The following ZFYVE16 variants were observed in gnomAD, a reference collection of about 807,000 sequenced individuals.
ZFYVE16 encodes the protein zinc finger FYVE domain-containing protein 16.
ZFYVE16 carries 89 observed loss-of-function variants against 138.1 expected under a neutral mutation model. The ratio of observed to expected loss-of-function variants is 0.64; its 90% CI spans 0.54 to 0.77. The LOEUF (loss-of-function observed/expected upper bound fraction) is 0.77, where lower values mean the gene tolerates loss of function less well. Ranked by LOEUF, ZFYVE16 falls within the 30% of genes least tolerant of loss-of-function variation. The pLI is 0.00. For missense variants in ZFYVE16, 1,793 were observed against 1,786.7 expected, an observed-to-expected ratio of 1.00 and a Z score of -0.06; for synonymous variants, 596 against 618.3, an observed-to-expected ratio of 0.96 and a Z score of 0.53.
chr5:80,460,037 T>C (rs983971071), intron 15 of ZFYVE16, among the ~76,000 whole-genome samples: 1 of 152,170 alleles, frequency 6.6e-6, no homozygotes, highest in African/African-American at 2.4e-5. Context: ...GGCTGATAGA[T>C]TAGTAAATGT....
chr5:80,459,287 C>G (rs1752856441), intron 14 of ZFYVE16, 127 bp from the exon 15 acceptor site: 2 of 601,674 alleles, frequency 3.3e-6, no homozygotes, highest in South Asian at 3.1e-5. Flanking sequence ...AATTAGTTTT[C>G]TAGTTTAAGT....
At chr5:80,456,665 T>C (rs1488436314) in intron 13 of ZFYVE16, 100 bp downstream of exon 13, 2 of 985,244 alleles carry the variant, frequency 2.0e-6, no homozygotes, top group East Asian at 2.6e-5. Context: ...GACTATCTAA[T>C]GTATTATGGC....
chr5:80,427,679 T>C (rs1554039791), intron 2 of ZFYVE16, 134 bp downstream of exon 2: 1 of 148,230 alleles, frequency 6.7e-6, no homozygotes, highest in Non-Finnish European at 1.5e-5. Flanking sequence ...TTTTGTAGTA[T>C]AAGTGTCTAA....
At chr5:80,460,554 A>C (rs1752995288) in intron 15 of ZFYVE16, among the ~76,000 whole-genome samples, 2 of 152,148 alleles carry the variant, frequency 1.3e-5, no homozygotes, top group African/African-American at 4.8e-5. Context: ...TAAGTCCCTA[A>C]TTTATCTGGA....
chr5:80,419,593 G>A (rs1404386155), intron 1 of ZFYVE16, among the ~76,000 whole-genome samples: 1 of 151,738 alleles, frequency 6.6e-6, no homozygotes, highest in Non-Finnish European at 1.5e-5. Context: ...TGGCCAGGCT[G>A]GTCTCGAACT....
At chr5:80,434,398 A>G (rs1749569632) in intron 3 of ZFYVE16, among the ~76,000 whole-genome samples, 181 bp downstream of exon 3, 1 of 152,256 alleles carries the variant, frequency 6.6e-6, no homozygotes, top group African/African-American at 2.4e-5. Context: ...TGGGACCCAT[A>G]GCCAGAAACA....
At chr5:80,461,185 C>T (rs1753068242) in intron 15 of ZFYVE16, among the ~76,000 whole-genome samples, 1 of 152,104 alleles carries the variant, frequency 6.6e-6, no homozygotes, top group African/African-American at 2.4e-5. Context: ...TTCAGATGCT[C>T]AGCTGCTAAG....
rs771428323 is a variant in ZFYVE16, at chr5:80,437,052, A to G, written c.367A>G (p.Ser123Gly). The change falls in exon 4 of 19, where the codon AGT (serine) becomes GGT (glycine). Residue 123 changes from serine (S) to glycine (G), a missense_variant. Coordinates refer to ENST00000505560, the MANE Select transcript of ZFYVE16 (RefSeq NM_001284236.3). The stretch of plus-strand genomic sequence containing the variant: ...CCAGCCGTTATATATGGGACGATGT[A>G]GTAAACCTATCTGTGATCTGATAAG... ...EIQPLYMGRC[S>G]KPICDLISDM... The G allele has an allele frequency of 1.2e-6, 2 of 1,614,084 alleles. No individual in the cohort carries two copies. Among genetic ancestry groups the G allele is most frequent in the African/African-American group, 2.7e-5 (2 of 74,938 alleles).
chr5:80,423,310 G>A (rs1288053650), intron 1 of ZFYVE16, among the ~76,000 whole-genome samples: 1 of 152,112 alleles, frequency 6.6e-6, no homozygotes, highest in Non-Finnish European at 1.5e-5. Context: ...TTTGTGGGCA[G>A]AGTTGTTAAT....
chr5:80,471,480 C>T (rs900118917), intron 15 of ZFYVE16, among the ~76,000 whole-genome samples: 15 of 152,002 alleles, frequency 9.9e-5, no homozygotes, highest in African/African-American at 3.6e-4. Context: ...CCCATGTGAC[C>T]ATCTCACCTC....
Position 80,440,986 on chromosome 5 carries a change from C to G in ZFYVE16, c.2419+954C>G, listed in dbSNP as rs369394089. 2.5e-5 allele frequency: 25 copies of G among 985,362 alleles called. 1 individual carries two copies. In the African/African-American group the frequency reaches 4.0e-4, roughly 16 times the overall value. The allele number at this position is 985,362 out of a possible 1,614,324, so 61.0% of individuals were successfully genotyped here. A position where few individuals can be genotyped will look rare whatever the true frequency, so the allele number is the denominator to read the frequency against. On this transcript the variant is annotated intron_variant, in intron 5 of 18. Transcript: ENST00000505560. ...CTGCTTTTCTCCCTGCTGTTGACCT[C>G]TGCTCTGGAAGATAACAAAGCGTAA... is the stretch of plus-strand genomic sequence containing the variant.
rs1310157891 is a variant in ZFYVE16, at chr5:80,474,453, G to A, written c.4294-210G>A. Among the ~76,000 whole-genome samples the A allele has an allele frequency of 1.3e-5, 2 of 152,008 alleles. 1 individual carries two copies. Among genetic ancestry groups the A allele is most frequent in the Non-Finnish European group, 2.9e-5 (2 of 67,988 alleles). Reference sequence around the variant, plus strand: ...TTTCCTTGCTACAAATTAACCTTAGGCAAAAATTGCTGAGACATTTCCATA... The same window carrying A: ...TTTCCTTGCTACAAATTAACCTTAGACAAAAATTGCTGAGACATTTCCATA... On this transcript the variant is annotated intron_variant, in intron 17 of 18. Transcript: ENST00000505560.
chr5:80,428,172 T>G (rs1281868924), intron 2 of ZFYVE16, among the ~76,000 whole-genome samples: 1 of 152,146 alleles, frequency 6.6e-6, no homozygotes, highest in Non-Finnish European at 1.5e-5. Context: ...AGTGGGTCCC[T>G]GACCCCCGAG....
At chr5:80,425,622 A>AC (rs1747877205) in intron 1 of ZFYVE16, among the ~76,000 whole-genome samples, 1 of 152,252 alleles carries the variant, frequency 6.6e-6, no homozygotes. Context: ...ATGTTGCTGT[A>AC]CAGTGTTTCA....
In ZFYVE16 at chr5:80,473,008, A is replaced by G. The variant is rs901116238; in HGVS notation, c.4187+85A>G. The G allele has an allele frequency of 2.5e-6, 3 of 1,201,902 alleles. No homozygotes were observed. In the African/African-American group the frequency reaches 4.6e-5, roughly 18 times the overall value. 74.5% of individuals were successfully genotyped at this position (1,201,902 alleles called of 1,614,324 possible). On this transcript the variant is annotated intron_variant, in intron 16 of 18. Coordinates refer to ENST00000505560, the MANE Select transcript of ZFYVE16 (RefSeq NM_001284236.3). Reference sequence around the variant, plus strand: ...TCCTATTAATAAAATTAAATATTTTATGAACGAATATATACTTATACCATC... The same window carrying G: ...TCCTATTAATAAAATTAAATATTTTGTGAACGAATATATACTTATACCATC...
chr5:80,459,525 T>G, intron 15 of ZFYVE16, 31 bp downstream of exon 15: 1 of 1,569,276 alleles, frequency 6.4e-7, no homozygotes, highest in Non-Finnish European at 8.7e-7. Context: ...GGTGTTTTAA[T>G]GTAGAGTTAT....
chr5:80,450,292 A>G (rs1751846090), intron 9 of ZFYVE16, 139 bp from the exon 10 acceptor site: 3 of 755,102 alleles, frequency 4.0e-6, no homozygotes, highest in Non-Finnish European at 6.4e-6. Flanking sequence ...ATCTTATACA[A>G]TTCAATTTAA....
rs144831626 is a variant in ZFYVE16 at position 80,416,240 on chromosome 5, T to C, written c.-94+8087T>C. On this transcript the variant is annotated intron_variant, in intron 1 of 18. Transcript: ENST00000505560. ...AATCATTTACTTACGTCAGTATGAA[T>C]ACATAGATTTTTTTTTTTTTTTTTT... 6.2e-3 allele frequency among the ~76,000 whole-genome samples: 884 copies of C among 142,652 alleles called. 11 individuals carry two copies. Among genetic ancestry groups the C allele is most frequent in the African/African-American group, 0.021 (817 of 39,242 alleles). 93.6% of individuals were successfully genotyped at this position (142,652 alleles called of 152,430 possible).
At chr5:80,444,056 A>G (rs1751022469) in intron 6 of ZFYVE16, 2 of 318,234 alleles carry the variant, frequency 6.3e-6, no homozygotes, top group Non-Finnish European at 1.2e-5. Context: ...ATCAATTAGC[A>G]TCTTGGGTAA....
Sources: allele counts gnomAD v4.1 joint callset (sites outside exome capture counted in the v4.1 genomes callset), GRCh38; gene constraint gnomAD v4.1.1; transcripts MANE v1.5; gene names NCBI Gene and HGNC (gene_info 2026-07-23, HGNC 2026-07-21).